Variants in WBP2NL observed in about 807,000 individuals in gnomAD.
WBP2NL encodes postacrosomal sheath WW domain-binding protein.
WBP2NL carries 27 observed loss-of-function variants against 23.3 expected under a neutral mutation model. That is an observed-to-expected ratio of 1.16 (90% CI 0.85 to 1.60). WBP2NL has a LOEUF of 1.60. WBP2NL is among the 40% of genes most tolerant of loss of function. WBP2NL has a pLI of 0.00. For synonymous variants in WBP2NL, 151 were observed against 145.9 expected, an observed-to-expected ratio of 1.03 and a Z score of -0.25; for missense variants, 370 against 389.5, an observed-to-expected ratio of 0.95 and a Z score of 0.42.
chr22:42,040,394 T>C (rs1925359653), intron 8 of WBP2NL, among the ~76,000 whole-genome samples: 4 of 152,144 alleles, frequency 2.6e-5, no homozygotes, highest in Admixed American at 2.6e-4. Flanking sequence ...GGCTAATTTT[T>C]TGTATTTTAG....
At chr22:42,017,692 A>G (rs1230817427) in intron 1 of WBP2NL, among the ~76,000 whole-genome samples, 1 of 152,144 alleles carries the variant, frequency 6.6e-6, no homozygotes, top group Non-Finnish European at 1.5e-5. Context: ...ATCATTATAC[A>G]TTGGTTACAT....
chr22:42,053,081 G>A (rs1165865925), intron 8 of WBP2NL, among the ~76,000 whole-genome samples: 1 of 152,110 alleles, frequency 6.6e-6, no homozygotes, highest in African/African-American at 2.4e-5. Flanking sequence ...CTTATAAATG[G>A]AATAATACAA....
chr22:42,039,216 C>T (rs148974126), intron 8 of WBP2NL, among the ~76,000 whole-genome samples: 4,492 of 151,956 alleles, frequency 0.03, 208 homozygotes, highest in African/African-American at 0.1. Context: ...GGATTACAGG[C>T]GCCCACCACC....
intron 1 of WBP2NL, among the ~76,000 whole-genome samples, chr22:42,017,137 C>CT (rs1225181196): frequency 1.3e-5 from 2 of 151,906 alleles, no homozygotes; most frequent in South Asian, 2.1e-4. Flanking sequence ...CTCTCTCTCT[C>CT]TTTTTTTTGA....
intron 1 of WBP2NL, among the ~76,000 whole-genome samples, chr22:42,016,209 G>A (rs182662575): frequency 6.6e-6 from 1 of 152,062 alleles, no homozygotes; most frequent in Non-Finnish European, 1.5e-5. Flanking sequence ...TTGAACTCCC[G>A]ACCTCTGGTA....
intron 8 of WBP2NL, among the ~76,000 whole-genome samples, chr22:42,038,290 A>G (rs1925266457): frequency 6.6e-6 from 1 of 152,082 alleles, no homozygotes. Context: ...GTTGATTTTC[A>G]TATGTTAACT....
At chr22:42,056,930 A>T (rs753383672) in intron 8 of WBP2NL, among the ~76,000 whole-genome samples, 6 of 152,118 alleles carry the variant, frequency 3.9e-5, no homozygotes, top group Non-Finnish European at 7.4e-5. Flanking sequence ...AGTCAGTTGT[A>T]AATCTTATTG....
chr22:42,044,296 C>A (rs1925502517), intron 8 of WBP2NL, among the ~76,000 whole-genome samples: 1 of 151,932 alleles, frequency 6.6e-6, no homozygotes, highest in Non-Finnish European at 1.5e-5. Flanking sequence ...GTCTTGAACT[C>A]CTGGCCTGAA....
intron 8 of WBP2NL, among the ~76,000 whole-genome samples, chr22:42,046,965 C>T (rs1431703717): frequency 6.6e-6 from 1 of 152,150 alleles, no homozygotes; most frequent in Non-Finnish European, 1.5e-5. Context: ...GTATCTAACT[C>T]ATTTCCAAAC....
At chr22:42,052,046 TATTCTC>T (rs1350132212) in intron 8 of WBP2NL, among the ~76,000 whole-genome samples, 4 of 152,236 alleles carry the variant, frequency 2.6e-5, no homozygotes, top group Admixed American at 6.5e-5. Flanking sequence ...ATTACCATCT[TATTCTC>T]ATTCTATAAA....
chr22:42,042,378 TTAGA>T (rs1294730202), intron 8 of WBP2NL, among the ~76,000 whole-genome samples: 2 of 152,218 alleles, frequency 1.3e-5, no homozygotes, highest in Non-Finnish European at 2.9e-5. Flanking sequence ...TCTCCTCCAA[TTAGA>T]TAATTTCAAA....
At chr22:42,002,824 C>A (rs964717783) in intron 1 of WBP2NL, 1 of 138,724 alleles carries the variant, frequency 7.2e-6, no homozygotes, top group Admixed American at 7.2e-5. Context: ...CCTATTAGTA[C>A]CCTAGCTTCC....
At chr22:42,032,557 A>G (rs1053782031), downstream of WBP2NL, 3 of 253,160 alleles carry the variant, frequency 1.2e-5, no homozygotes, top group Admixed American at 5.1e-5. Flanking sequence ...TTGCTTGAAA[A>G]TCATGTATGT....
intron 8 of WBP2NL, among the ~76,000 whole-genome samples, chr22:42,050,916 T>G (rs531532734): frequency 9.2e-5 from 14 of 152,232 alleles, no homozygotes; most frequent in Non-Finnish European, 1.9e-4. Flanking sequence ...TGGTACACTT[T>G]AGTAAGAAAC....
intron 1 of WBP2NL, 135 bp downstream of exon 1, chr22:41,999,015 C>A: frequency 9.5e-7 from 1 of 1,050,854 alleles, no homozygotes; most frequent in Non-Finnish European, 1.3e-6. Context: ...CCGCCCCCGA[C>A]CTTTGGGAGC....
chr22:42,049,196 C>G (rs548114193), intron 8 of WBP2NL, among the ~76,000 whole-genome samples: 1 of 151,904 alleles, frequency 6.6e-6, no homozygotes, highest in Non-Finnish European at 1.5e-5. Flanking sequence ...CAGAATGTAC[C>G]GCACAAATAT....
At chr22:42,046,240 A>AT (rs1385872738) in intron 8 of WBP2NL, among the ~76,000 whole-genome samples, 3 of 152,218 alleles carry the variant, frequency 2.0e-5, no homozygotes, top group Non-Finnish European at 4.4e-5. Flanking sequence ...GCTTTACTTT[A>AT]TAAGGTTGGA....
At chr22:42,016,212 C>T (rs1043263350) in intron 1 of WBP2NL, among the ~76,000 whole-genome samples, 3 of 152,106 alleles carry the variant, frequency 2.0e-5, no homozygotes, top group African/African-American at 7.2e-5. Context: ...AACTCCCGAC[C>T]TCTGGTAATC....
chr22:42,001,878 T>C, intron 1 of WBP2NL: 1 of 1,462,336 alleles, frequency 6.8e-7, no homozygotes, highest in Non-Finnish European at 9.1e-7. Context: ...CTTGACCCGC[T>C]CGATGGGTGC....
Sources: gnomAD v4.1 joint callset for allele counts (sites outside exome capture counted in the v4.1 genomes callset) on GRCh38, gnomAD v4.1.1 for gene constraint, MANE v1.5 for transcripts, NCBI Gene and HGNC (gene_info 2026-07-23, HGNC 2026-07-21) for gene names.